Variants in KCNC2 observed in about 807,000 individuals in gnomAD.
KCNC2 encodes voltage-gated potassium channel KCNC2.
A neutral mutation model predicts 44.5 loss-of-function variants in KCNC2; 21 were observed. The ratio of observed to expected loss-of-function variants is 0.47; its 90% CI spans 0.33 to 0.68. The LOEUF is 0.68. Among genes scored for constraint, KCNC2 ranks in the 30% least tolerant of loss-of-function variants. KCNC2 has a pLI of 0.01. For synonymous variants in KCNC2, 391 were observed against 339.1 expected, an observed-to-expected ratio of 1.15 and a Z score of -1.68; for missense variants, 589 against 826.2, an observed-to-expected ratio of 0.71 and a Z score of 3.52.
At chr12:75,086,349 T>C (rs370031817) in intron 2 of KCNC2, among the ~76,000 whole-genome samples, 15 of 152,102 alleles carry the variant, frequency 9.9e-5, no homozygotes, top group East Asian at 5.8e-4. Flanking sequence ...TATTTGCCAA[T>C]GTGCAGTTTT....
chr12:75,126,696 G>A (rs570061580), intron 2 of KCNC2, among the ~76,000 whole-genome samples: 2 of 152,088 alleles, frequency 1.3e-5, no homozygotes, highest in South Asian at 4.2e-4. Context: ...GGGTCTCATG[G>A]GTTAAGCTTA....
rs201817574 is a variant in KCNC2, at chr12:75,040,935, T to C, written c.*2170A>G. 1.0e-5 allele frequency: 6 copies of C among 602,816 alleles called. No individual in the cohort carries two copies. The highest frequency in any genetic ancestry group is 1.8e-5 in the Non-Finnish European group (6 of 337,880). 37.3% of individuals were successfully genotyped at this position (602,816 alleles called of 1,614,324 possible). On this transcript the variant is annotated 3_prime_UTR_variant, in exon 5 of 5. Transcript: ENST00000549446. Reference sequence around the variant, plus strand: ...AGAAATGGCCAAGACTGTTGACCCATGCACACATGTTGGTATTTACAGTTG... The same window carrying C: ...AGAAATGGCCAAGACTGTTGACCCACGCACACATGTTGGTATTTACAGTTG...
rs1477847877 is a variant in KCNC2 at position 75,207,441 on chromosome 12, G to A, written c.543C>T (p.Asp181=). The change falls in exon 2 of 5, where the codon GAC becomes GAT. Residue 181 remains aspartate (D), a synonymous_variant. Transcript: ENST00000549446. This position sits in a 1 kb window ranked among gnomAD's most constrained non-coding sequence, Gnocchi z 4.1. ...GCCTCTTGGCCGCCAGGTCCTCGTCGTCGCCGGGGTCGCCGCCAATGAGGT... is the reference window on the plus strand; with the variant it reads ...GCCTCTTGGCCGCCAGGTCCTCGTCATCGCCGGGGTCGCCGCCAATGAGGT... ...TPDLIGGDPG[D]DEDLAAKRLG... is the part of the protein sequence containing the mutation. 2 of 1,608,772 alleles carry A rather than the reference G, an allele frequency of 1.2e-6. No homozygotes were observed. The highest frequency in any genetic ancestry group is 1.7e-6 in the Non-Finnish European group (2 of 1,177,882).
At chr12:75,174,638 G>A (rs544542883) in intron 2 of KCNC2, among the ~76,000 whole-genome samples, 12 of 151,868 alleles carry the variant, frequency 7.9e-5, no homozygotes, top group African/African-American at 2.2e-4. Context: ...TTTAATCCAG[G>A]CTTTACTTGG....
intron 2 of KCNC2, among the ~76,000 whole-genome samples, chr12:75,186,087 AT>A (rs1256983438): frequency 9.3e-5 from 14 of 150,888 alleles, no homozygotes; most frequent in Non-Finnish European, 1.6e-4. Context: ...AAATAAATAA[AT>A]AAATAAAAAT....
intron 2 of KCNC2, among the ~76,000 whole-genome samples, chr12:75,070,653 C>T (rs1004442957): frequency 4.0e-5 from 6 of 151,790 alleles, no homozygotes; most frequent in African/African-American, 1.5e-4. Context: ...CTCTCAAATA[C>T]ATTTACTACA....
chr12:75,142,338 C>A (rs1055014731), intron 2 of KCNC2, among the ~76,000 whole-genome samples: 1 of 152,138 alleles, frequency 6.6e-6, no homozygotes, highest in African/African-American at 2.4e-5. Context: ...ACTATTTAGA[C>A]AGACTTGTCA....
At chr12:75,136,609 A>T (rs1384082781) in intron 2 of KCNC2, among the ~76,000 whole-genome samples, 1 of 152,148 alleles carries the variant, frequency 6.6e-6, no homozygotes, top group Non-Finnish European at 1.5e-5. Flanking sequence ...CAGCCTCCCA[A>T]GATGAACCAG....
At chr12:75,196,820 T>C (rs1240972442) in intron 2 of KCNC2, among the ~76,000 whole-genome samples, 2 of 152,120 alleles carry the variant, frequency 1.3e-5, no homozygotes, top group Non-Finnish European at 2.9e-5. Context: ...TATAACTTTA[T>C]TTTTAACTTT....
intron 2 of KCNC2, among the ~76,000 whole-genome samples, chr12:75,099,186 G>A (rs752534121): frequency 3.3e-5 from 5 of 152,254 alleles, no homozygotes; most frequent in Non-Finnish European, 5.9e-5. Context: ...TATGAGTAGC[G>A]TCTAAAGGGC....
At chr12:75,168,659 C>A (rs745601903) in intron 2 of KCNC2, among the ~76,000 whole-genome samples, 1 of 151,384 alleles carries the variant, frequency 6.6e-6, no homozygotes, top group Admixed American at 6.6e-5. Context: ...CTTACCATAC[C>A]AAAACTGGCA....
intron 1 of KCNC2, 140 bp from the exon 2 acceptor site, chr12:75,208,142 G>C: frequency 2.2e-6 from 2 of 925,024 alleles, no homozygotes; most frequent in South Asian, 1.7e-5. Flanking sequence ...CCCGGGAGGG[G>C]ATCAGCGTCC....
At chr12:75,155,151 C>G (rs1241761303) in intron 2 of KCNC2, among the ~76,000 whole-genome samples, 1 of 151,788 alleles carries the variant, frequency 6.6e-6, no homozygotes, top group Non-Finnish European at 1.5e-5. Flanking sequence ...CTTTACCATG[C>G]CTGCAGAAAT....
chr12:75,177,055 T>TAC (rs955470096), intron 2 of KCNC2, among the ~76,000 whole-genome samples: 3 of 147,048 alleles, frequency 2.0e-5, no homozygotes, highest in African/African-American at 7.4e-5. Context: ...TATATATATA[T>TAC]ATACACACAC....
At chr12:75,157,678 A>C (rs1256702942) in intron 2 of KCNC2, among the ~76,000 whole-genome samples, 1 of 151,826 alleles carries the variant, frequency 6.6e-6, no homozygotes, top group Non-Finnish European at 1.5e-5. Context: ...ATGTGATGGA[A>C]AAAGCTTTAA....
At chr12:75,148,620 A>T (rs1401108296) in intron 2 of KCNC2, among the ~76,000 whole-genome samples, 1 of 152,016 alleles carries the variant, frequency 6.6e-6, no homozygotes, top group Admixed American at 6.6e-5. Flanking sequence ...TGTGTATTTC[A>T]TGTTATATTT....
chr12:75,053,950 C>T (rs555756411), intron 2 of KCNC2, among the ~76,000 whole-genome samples: 8 of 151,582 alleles, frequency 5.3e-5, no homozygotes, highest in African/African-American at 9.7e-5. Context: ...AGGCCAGGCG[C>T]GGTGACTCTC....
At chr12:75,112,386 A>T (rs2926148) in intron 2 of KCNC2, among the ~76,000 whole-genome samples, 152,150 of 152,150 alleles carry the variant, frequency 1, 76,075 homozygotes, top group Non-Finnish European at 1. Context: ...AGCAGAAGAA[A>T]TTTTAAATCT....
intron 2 of KCNC2, among the ~76,000 whole-genome samples, chr12:75,060,367 A>C (rs12582178): frequency 0.16 from 24,640 of 151,988 alleles, 2,210 homozygotes; most frequent in Middle Eastern, 0.26. Flanking sequence ...ACTGGGAATA[A>C]GCACTCTTTT....
Sources: gnomAD v4.1 joint callset for allele counts (sites outside exome capture counted in the v4.1 genomes callset) on GRCh38, gnomAD v4.1.1 for gene constraint, Gnocchi (gnomAD v3.1) non-coding constraint, MANE v1.5 for transcripts, NCBI Gene and HGNC (gene_info 2026-07-23, HGNC 2026-07-21) for gene names.